Variants in MED27 observed in about 807,000 individuals in gnomAD.
MED27 encodes the protein mediator of RNA polymerase II transcription subunit 27.
A neutral mutation model predicts 38.2 loss-of-function variants in MED27; 30 were observed. That is an observed-to-expected ratio of 0.79 (90% CI 0.59 to 1.07). MED27 has a LOEUF of 1.07. MED27 is among the 50% of genes least tolerant of loss of function. The pLI, the probability that MED27 is intolerant of heterozygous loss-of-function variation, is 0.00. For missense variants in MED27, 289 were observed against 397.5 expected (o/e 0.73, Z 2.32); for synonymous variants, 122 against 153.5 (o/e 0.79, Z 1.52).
At chr9:132,035,027 C>G (rs1833044696) in intron 2 of MED27, among the ~76,000 whole-genome samples, 1 of 152,166 alleles carries the variant, frequency 6.6e-6, no homozygotes, top group Admixed American at 6.5e-5. Flanking sequence ...TCAAGACTCC[C>G]AGGCTACGTA....
chr9:132,072,729 G>A (rs1833968873), intron 2 of MED27, among the ~76,000 whole-genome samples: 1 of 152,108 alleles, frequency 6.6e-6, no homozygotes, highest in African/African-American at 2.4e-5. Flanking sequence ...ATTCAGAAGG[G>A]TGCTCAATCC....
At chr9:131,929,810 G>A (rs1420737107) in intron 4 of MED27, among the ~76,000 whole-genome samples, 1 of 152,210 alleles carries the variant, frequency 6.6e-6, no homozygotes, top group Non-Finnish European at 1.5e-5. Flanking sequence ...GGGACCTAGG[G>A]GAACTTGCTA....
At chr9:131,868,891 C>G (rs545072481) in intron 6 of MED27, 3 of 985,364 alleles carry the variant, frequency 3.0e-6, no homozygotes, top group African/African-American at 1.7e-5. Flanking sequence ...AAGGGTAGCA[C>G]GAACTGAATT....
chr9:131,899,287 G>T (rs1481652469), intron 4 of MED27, among the ~76,000 whole-genome samples: 1 of 152,192 alleles, frequency 6.6e-6, no homozygotes, highest in African/African-American at 2.4e-5. Context: ...TGGGGCTACA[G>T]GAAGCTGAGA....
At chr9:132,007,666 A>G (rs1008334322) in intron 3 of MED27, among the ~76,000 whole-genome samples, 11 of 152,274 alleles carry the variant, frequency 7.2e-5, no homozygotes, top group Admixed American at 2.0e-4. Flanking sequence ...TACAGGAGAC[A>G]GTTTTCAGGG....
chr9:131,896,593 C>A (rs2131508482), intron 4 of MED27, among the ~76,000 whole-genome samples: 1 of 152,128 alleles, frequency 6.6e-6, no homozygotes, highest in East Asian at 1.9e-4. Context: ...AGGAAGAAGA[C>A]AGTTGTTCCT....
chr9:131,931,638 T>TAC (rs1235882572), intron 4 of MED27, among the ~76,000 whole-genome samples: 2 of 151,926 alleles, frequency 1.3e-5, no homozygotes, highest in African/African-American at 4.8e-5. Context: ...CAAAGATACA[T>TAC]ACAGACTGAA....
At chr9:132,063,227 C>A (rs527628473) in intron 2 of MED27, among the ~76,000 whole-genome samples, 4 of 152,146 alleles carry the variant, frequency 2.6e-5, no homozygotes, top group Admixed American at 6.5e-5. Context: ...CTATAATAGG[C>A]CTTTTCCATT....
chr9:132,050,301 T>C (rs1203269795), intron 2 of MED27, among the ~76,000 whole-genome samples: 2 of 151,988 alleles, frequency 1.3e-5, no homozygotes, highest in Non-Finnish European at 2.9e-5. Context: ...GGACAGAAAA[T>C]GGAACAGTCT....
At position 131,930,611 on chromosome 9, in the gene MED27, C is replaced by T. The variant is rs542408289; in HGVS notation, c.573+8770G>A. 5.9e-5 allele frequency among the ~76,000 whole-genome samples: 9 copies of T among 152,212 alleles called. No homozygotes were observed. In the East Asian group the frequency reaches 1.7e-3, roughly 29 times the overall value. On this transcript the variant is annotated intron_variant, in intron 4 of 7. Transcript: ENST00000292035. ...CACCAGACCTTTCCTATAAGGAATG[C>T]TAAAGGGAGTTCTTCAATCAGAAAG...
Position 132,002,918 on chromosome 9 carries a change from C to CAAA in MED27, c.479+11416_479+11418dup, listed in dbSNP as rs780189860. On this transcript the variant is annotated intron_variant, in intron 3 of 7. Transcript: ENST00000292035. ...GTACAGAGTGAGTGAGACTCTGTCT[C>CAAA]AAAAAAAAAAGAAAAAAGAAAAAGA... Among the ~76,000 whole-genome samples the CAAA allele has an allele frequency of 7.9e-5, 8 of 100,904 alleles. 3 individuals are homozygous for CAAA. Among genetic ancestry groups the CAAA allele is most frequent in the Non-Finnish European group, 1.4e-4 (7 of 48,496 alleles). 66.2% of individuals were successfully genotyped at this position (100,904 alleles called of 152,430 possible).
intron 4 of MED27, among the ~76,000 whole-genome samples, chr9:131,921,721 C>T (rs1465955559): frequency 1.3e-5 from 2 of 152,168 alleles, no homozygotes; most frequent in African/African-American, 4.8e-5. Context: ...AAGACACATG[C>T]ACACGTATGT....
At chr9:132,028,344 T>C (rs1000183122) in intron 2 of MED27, among the ~76,000 whole-genome samples, 25 of 152,176 alleles carry the variant, frequency 1.6e-4, no homozygotes, top group Non-Finnish European at 4.4e-5. Flanking sequence ...AGAGGGTTTG[T>C]TTCTTTAGTT....
intron 3 of MED27, among the ~76,000 whole-genome samples, chr9:131,993,406 GACGCC>G (rs1832020837): frequency 6.6e-6 from 1 of 152,158 alleles, no homozygotes; most frequent in South Asian, 2.1e-4. Context: ...GAGACACAGA[GACGCC>G]TGCTCAGCTC....
chr9:132,057,455 T>TCAA (rs1833606537), intron 2 of MED27, among the ~76,000 whole-genome samples: 1 of 152,238 alleles, frequency 6.6e-6, no homozygotes, highest in African/African-American at 2.4e-5. Flanking sequence ...TGCCAGTGGT[T>TCAA]GGTGTGCCTT....
rs560411946 is a variant in MED27 at position 131,956,700 on chromosome 9, A to G, written c.480-17226T>C. Among the ~76,000 whole-genome samples the G allele has an allele frequency of 1.5e-3, 233 of 152,316 alleles. 1 individual carries two copies. Among genetic ancestry groups the G allele is most frequent in the African/African-American group, 5.2e-3 (216 of 41,574 alleles). On this transcript the variant is annotated intron_variant, in intron 3 of 7. Coordinates refer to ENST00000292035, the MANE Select transcript of MED27 (RefSeq NM_004269.4). The stretch of plus-strand genomic sequence containing the variant: ...TTAAATTATCTGTTATGTGTACTTA[A>G]TAAGAATTTTTTAAAAATCAATCCA...
intron 3 of MED27, among the ~76,000 whole-genome samples, chr9:132,000,752 A>ATT (rs35552801): frequency 3.4e-4 from 49 of 142,950 alleles, no homozygotes; most frequent in Admixed American, 1.7e-3. Flanking sequence ...TTAAAAAAAA[A>ATT]TTTTTTTTTT....
At chr9:131,932,495 C>A (rs1217176457) in intron 4 of MED27, among the ~76,000 whole-genome samples, 3 of 151,502 alleles carry the variant, frequency 2.0e-5, no homozygotes, top group Admixed American at 6.6e-5. Context: ...CAACTACATG[C>A]CAATACATTG....
At chr9:132,002,487 G>A (rs1832258611) in intron 3 of MED27, among the ~76,000 whole-genome samples, 1 of 152,108 alleles carries the variant, frequency 6.6e-6, no homozygotes, top group South Asian at 2.1e-4. Context: ...GTGAGAGCTG[G>A]TGCAATCTTC....
Sources: gnomAD v4.1 joint callset for allele counts (sites outside exome capture counted in the v4.1 genomes callset) on GRCh38, gnomAD v4.1.1 for gene constraint, MANE v1.5 for transcripts, NCBI Gene and HGNC (gene_info 2026-07-23, HGNC 2026-07-21) for gene names.